GALNT13: variants seen among roughly 807,000 people sequenced by gnomAD.
GALNT13 encodes polypeptide N-acetylgalactosaminyltransferase 13.
In GALNT13, 28 loss-of-function variants were observed where a neutral mutation model predicts 64.2. The ratio of observed to expected loss-of-function variants is 0.44; its 90% confidence interval spans 0.32 to 0.60. The LOEUF (loss-of-function observed/expected upper bound fraction) is 0.60. Ranked by LOEUF, GALNT13 falls within the 20% of genes least tolerant of loss-of-function variation. The pLI is 0.05. For synonymous variants in GALNT13, 214 were observed against 224.6 expected, an observed-to-expected ratio of 0.95 and a Z score of 0.42; for missense variants, 577 against 669.8, an observed-to-expected ratio of 0.86 and a Z score of 1.53.
At chr2:153,995,948 T>G (rs1222882912) in intron 3 of GALNT13, among the ~76,000 whole-genome samples, 1 of 152,210 alleles carries the variant, frequency 6.6e-6, no homozygotes, top group Non-Finnish European at 1.5e-5. Flanking sequence ...GTACCTGGCT[T>G]ATTTCACTTG....
intron 4 of GALNT13, among the ~76,000 whole-genome samples, chr2:154,197,641 C>T (rs1686950869): frequency 1.3e-5 from 2 of 151,554 alleles, no homozygotes; most frequent in South Asian, 4.1e-4. Context: ...TTTTAAAGAA[C>T]TCAGAAGAGA....
At chr2:153,122,259 A>C in the GALNT13 span, among the ~76,000 whole-genome samples, 25 of 151,756 alleles carry the variant, frequency 1.6e-4, no homozygotes, top group Admixed American at 1.6e-3. Flanking sequence ...TGTTATGTTA[A>C]ATGAACATTA....
At chr2:153,630,300 A>G in the GALNT13 span, among the ~76,000 whole-genome samples, 3 of 152,034 alleles carry the variant, frequency 2.0e-5, no homozygotes, top group Non-Finnish European at 4.4e-5. Flanking sequence ...CATATACACC[A>G]CGGAATACTA....
intron 4 of GALNT13, among the ~76,000 whole-genome samples, chr2:154,231,222 G>A (rs1688896841): frequency 6.6e-6 from 1 of 151,880 alleles, no homozygotes; most frequent in Non-Finnish European, 1.5e-5. Context: ...TATTTCCTCG[G>A]TTTCCTGGCA....
intron 4 of GALNT13, among the ~76,000 whole-genome samples, chr2:154,204,151 C>A (rs1687314310): frequency 6.6e-6 from 1 of 152,164 alleles, no homozygotes. Context: ...TTATCCTGGA[C>A]TGCCTCCTCA....
chr2:153,951,156 G>A (rs1692152554), intron 3 of GALNT13, among the ~76,000 whole-genome samples: 1 of 152,090 alleles, frequency 6.6e-6, no homozygotes, highest in Non-Finnish European at 1.5e-5. Flanking sequence ...TTGACTGACT[G>A]TAGGGTATTA....
the GALNT13 span, chr2:153,478,556 C>T: frequency 6.3e-7 from 1 of 1,587,788 alleles, no homozygotes; most frequent in South Asian, 1.1e-5. Context: ...TTGCCTAGGG[C>T]CGGATTCATC....
the GALNT13 span, among the ~76,000 whole-genome samples, chr2:153,756,758 C>T: frequency 6.6e-6 from 1 of 152,062 alleles, no homozygotes; most frequent in Non-Finnish European, 1.5e-5. Context: ...TCAAAATACT[C>T]AGTGAAATTT....
the GALNT13 span, among the ~76,000 whole-genome samples, chr2:153,452,672 T>C: frequency 2.0e-5 from 3 of 151,812 alleles, no homozygotes; most frequent in African/African-American, 7.3e-5. Context: ...ATTGCAAGAA[T>C]CAATACTGTT....
the GALNT13 span, among the ~76,000 whole-genome samples, chr2:153,075,969 T>C: frequency 6.6e-6 from 1 of 152,174 alleles, no homozygotes; most frequent in Non-Finnish European, 1.5e-5. Context: ...TTTATATCTG[T>C]GTAGTATTTC....
At chr2:153,691,955 G>A in the GALNT13 span, among the ~76,000 whole-genome samples, 2 of 152,018 alleles carry the variant, frequency 1.3e-5, no homozygotes, top group African/African-American at 2.4e-5. Context: ...GTGTGAATTG[G>A]GTAAAGATGG....
chr2:154,097,018 G>A (rs957485335), intron 3 of GALNT13, among the ~76,000 whole-genome samples: 11 of 151,190 alleles, frequency 7.3e-5, no homozygotes, highest in Admixed American at 5.9e-4. Context: ...AAGTAAGTAA[G>A]TAAATAAATA....
the GALNT13 span, among the ~76,000 whole-genome samples, chr2:153,726,939 C>CAAAAAAAAAAAAA: frequency 2.0e-5 from 1 of 50,964 alleles, no homozygotes. Flanking sequence ...GACTCCATCT[C>CAAAAAAAAAAAAA]AAAAAAAAAA....
chr2:154,121,344 A>G (rs2105517404), intron 3 of GALNT13, among the ~76,000 whole-genome samples: 1 of 152,278 alleles, frequency 6.6e-6, no homozygotes, highest in African/African-American at 2.4e-5. Flanking sequence ...CTTTTGTATC[A>G]GTATTAATGT....
At chr2:153,479,205 T>C in the GALNT13 span, among the ~76,000 whole-genome samples, 9 of 152,190 alleles carry the variant, frequency 5.9e-5, no homozygotes, top group Admixed American at 2.6e-4. Context: ...AGGTGCCAGA[T>C]GGTGCCGGCT....
At chr2:153,953,877 G>T (rs1692379609) in intron 3 of GALNT13, among the ~76,000 whole-genome samples, 1 of 152,104 alleles carries the variant, frequency 6.6e-6, no homozygotes, top group African/African-American at 2.4e-5. Flanking sequence ...GAGTGGAATT[G>T]CTGACCAATG....
the GALNT13 span, among the ~76,000 whole-genome samples, chr2:153,169,563 G>A: frequency 3.3e-5 from 5 of 152,256 alleles, no homozygotes; most frequent in East Asian, 7.7e-4. Flanking sequence ...CATGTCTGAT[G>A]GGAGTAGATT....
the GALNT13 span, among the ~76,000 whole-genome samples, chr2:153,123,137 G>A: frequency 1.3e-5 from 2 of 152,104 alleles, no homozygotes; most frequent in Non-Finnish European, 2.9e-5. Flanking sequence ...ACACAGGGAT[G>A]AATGCCATAC....
At chr2:153,259,200 C>G in the GALNT13 span, among the ~76,000 whole-genome samples, 1 of 152,138 alleles carries the variant, frequency 6.6e-6, no homozygotes, top group South Asian at 2.1e-4. Context: ...CTCTGTATAG[C>G]CTTTGTCTTG....
Sources: allele counts gnomAD v4.1 joint callset (sites outside exome capture counted in the v4.1 genomes callset), GRCh38; gene constraint gnomAD v4.1.1; transcripts MANE v1.5; gene names NCBI Gene and HGNC (gene_info 2026-07-23, HGNC 2026-07-21).